NFASC: variants seen among roughly 807,000 people sequenced by gnomAD.
NFASC encodes the protein neurofascin homolog.
A neutral mutation model predicts 147.5 loss-of-function variants in NFASC; 43 were observed. The ratio of observed to expected loss-of-function variants is 0.29; its 90% confidence interval spans 0.23 to 0.38. The LOEUF is 0.38. Among genes scored for constraint, NFASC ranks in the 10% least tolerant of loss-of-function variants. NFASC has a pLI of 1.00. For synonymous variants in NFASC, 622 were observed against 665.5 expected (o/e 0.93, Z 1.01); for missense variants, 1,320 against 1,689.0 (o/e 0.78, Z 3.83).
chr1:204,902,512 T>A (rs1235914639), intron 1 of NFASC, among the ~76,000 whole-genome samples: 2 of 152,238 alleles, frequency 1.3e-5, no homozygotes, highest in Non-Finnish European at 2.9e-5. Context: ...CAAGGTTACA[T>A]TTTGTAACAG....
intron 1 of NFASC, among the ~76,000 whole-genome samples, chr1:204,867,505 G>A (rs762928934): frequency 2.0e-5 from 3 of 150,944 alleles, no homozygotes; most frequent in Admixed American, 6.6e-5. Flanking sequence ...AATACCTATA[G>A]ACACATGAAG....
intron 24 of NFASC, 114 bp from the exon 25 acceptor site, chr1:204,997,056 G>A: frequency 6.6e-7 from 1 of 1,508,090 alleles, no homozygotes; most frequent in Non-Finnish European, 8.9e-7. Flanking sequence ...GGAGGCTCCT[G>A]ATGACTAAGC....
chr1:204,846,439 G>A (rs747664331), intron 1 of NFASC, among the ~76,000 whole-genome samples: 4 of 152,070 alleles, frequency 2.6e-5, no homozygotes, highest in Non-Finnish European at 4.4e-5. Context: ...AGAGAGCTTG[G>A]TGGCCATTTG....
chr1:204,936,356 C>T (rs1019834247), intron 2 of NFASC, among the ~76,000 whole-genome samples: 2 of 151,966 alleles, frequency 1.3e-5, no homozygotes, highest in Non-Finnish European at 2.9e-5. Context: ...CGTGCACCCC[C>T]ACGCCTGGCT....
chr1:205,018,267 G>A lies in NFASC; in HGVS notation c.*1728G>A, dbSNP rs192907217. Reference sequence around the variant, plus strand: ...ATCAGCTGCCATGGGCACAGCCTCCGATTTGAGCCTCTCCGGCTGCCAGCC... The same window carrying A: ...ATCAGCTGCCATGGGCACAGCCTCCAATTTGAGCCTCTCCGGCTGCCAGCC... On this transcript the variant is annotated 3_prime_UTR_variant, in exon 30 of 30. Coordinates refer to ENST00000339876, the MANE Select transcript of NFASC (RefSeq NM_001005388.3). The A allele has an allele frequency of 3.0e-3, 459 of 152,540 alleles. 4 individuals are homozygous for A. In the Middle Eastern group the frequency reaches 0.031, roughly 10 times the overall value. 9.4% of individuals were successfully genotyped at this position (152,540 alleles called of 1,614,324 possible).
intron 27 of NFASC, among the ~76,000 whole-genome samples, chr1:205,004,752 A>T (rs1165795258): frequency 7.4e-6 from 1 of 134,464 alleles, no homozygotes; most frequent in African/African-American, 2.4e-5. Flanking sequence ...ACCACTGGTC[A>T]CTTAGACAAC....
chr1:205,008,788 A>G (rs2096190642), intron 27 of NFASC: 4 of 152,156 alleles, frequency 2.6e-5, no homozygotes, highest in African/African-American at 9.9e-5. Context: ...GAGGGGGAAC[A>G]TCGGCTTGTC....
At chr1:205,014,130 C>T (rs2096300986) in intron 29 of NFASC, among the ~76,000 whole-genome samples, 1 of 152,206 alleles carries the variant, frequency 6.6e-6, no homozygotes, top group Non-Finnish European at 1.5e-5. Flanking sequence ...TGGACCTCCT[C>T]CAATACAAGG....
intron 10 of NFASC, among the ~76,000 whole-genome samples, chr1:204,969,587 T>G (rs2095140226): frequency 6.6e-6 from 1 of 152,168 alleles, no homozygotes; most frequent in African/African-American, 2.4e-5. Context: ...TATAGAAACT[T>G]TCTTAGCAGG....
intron 23 of NFASC, chr1:204,989,970 T>G (rs1309479732): frequency 3.9e-5 from 6 of 152,268 alleles, no homozygotes; most frequent in Admixed American, 3.9e-4. Flanking sequence ...CTACCCGCAT[T>G]CCAGGAGAGC....
At position 204,900,868 on chromosome 1, in the gene NFASC, G is replaced by A. The variant is rs537805621; in HGVS notation, c.-199-19764G>A. Among the ~76,000 whole-genome samples, 328 of 152,206 alleles carry A rather than the reference G, an allele frequency of 2.2e-3. 2 individuals carry two copies. Among genetic ancestry groups the A allele is most frequent in the Non-Finnish European group, 4.2e-3 (284 of 67,994 alleles). ...GTTTTTTTTTTCAAAGTGGAAATGG[G>A]GTCTTGCTATGTTGTCCAGGCTGGT... On this transcript the variant is annotated intron_variant, in intron 1 of 29. Transcript: ENST00000339876.
intron 1 of NFASC, among the ~76,000 whole-genome samples, chr1:204,836,855 C>T (rs1673935693): frequency 6.6e-6 from 1 of 152,268 alleles, no homozygotes. Context: ...TGGCTGGCCT[C>T]AGCCCTGGGA....
chr1:204,843,143 C>G (rs1376297996), intron 1 of NFASC, among the ~76,000 whole-genome samples: 1 of 152,164 alleles, frequency 6.6e-6, no homozygotes, highest in Non-Finnish European at 1.5e-5. Flanking sequence ...CTTCTGAGAG[C>G]AAGAATCCTT....
chr1:205,002,484 C>A (rs2096010571), intron 26 of NFASC, 112 bp from the exon 27 acceptor site: 1 of 869,486 alleles, frequency 1.2e-6, no homozygotes, highest in Non-Finnish European at 1.6e-6. Context: ...ACCCGCGGTT[C>A]CCTGGTCCCT....
chr1:204,942,840 G>C (rs145818942), intron 2 of NFASC, among the ~76,000 whole-genome samples: 34 of 152,244 alleles, frequency 2.2e-4, no homozygotes, highest in African/African-American at 7.7e-4. Context: ...GCAAAAATGT[G>C]AATAAGAATC....
At chr1:204,900,393 G>A (rs968909757) in intron 1 of NFASC, among the ~76,000 whole-genome samples, 2 of 152,224 alleles carry the variant, frequency 1.3e-5, no homozygotes, top group Non-Finnish European at 2.9e-5. Flanking sequence ...GGGAGCTTCA[G>A]AGGTGTCAGG....
At chr1:204,937,294 C>G (rs2092946509) in intron 2 of NFASC, among the ~76,000 whole-genome samples, 1 of 152,194 alleles carries the variant, frequency 6.6e-6, no homozygotes, top group Non-Finnish European at 1.5e-5. Context: ...GATGAACCTA[C>G]ATGGACACAT....
intron 1 of NFASC, among the ~76,000 whole-genome samples, chr1:204,838,723 C>T (rs746496112): frequency 2.6e-5 from 4 of 152,184 alleles, no homozygotes; most frequent in Admixed American, 1.3e-4. Flanking sequence ...GGTTCCCGGT[C>T]CTGATCCATC....
chr1:204,867,510 A>G (rs2077211007), intron 1 of NFASC, among the ~76,000 whole-genome samples: 1 of 151,752 alleles, frequency 6.6e-6, no homozygotes, highest in South Asian at 2.1e-4. Flanking sequence ...CTATAGACAC[A>G]TGAAGGCTGA....
Sources: gnomAD v4.1 joint callset for allele counts (sites outside exome capture counted in the v4.1 genomes callset) on GRCh38, gnomAD v4.1.1 for gene constraint, MANE v1.5 for transcripts, NCBI Gene and HGNC (gene_info 2026-07-23, HGNC 2026-07-21) for gene names.